CHD1L: variants seen among roughly 807,000 people sequenced by gnomAD.
CHD1L encodes chromodomain helicase DNA binding protein 1 like, also known as ATP-dependent chromatin remodeler CHD1L.
Under a neutral mutation model 115.9 loss-of-function variants are expected in CHD1L, and 118 were observed. The ratio of observed to expected loss-of-function variants is 1.02; its 90% CI spans 0.88 to 1.19. The LOEUF (loss-of-function observed/expected upper bound fraction) is 1.19. Ranked by LOEUF, CHD1L falls within the 50% of genes most tolerant of loss-of-function variation. CHD1L has a pLI of 0.00. For missense variants in CHD1L, 1,179 were observed against 1,065.3 expected (o/e 1.11, Z -1.49); for synonymous variants, 411 against 387.1 (o/e 1.06, Z -0.72).
At chr1:147,189,080 C>T in the CHD1L span, among the ~76,000 whole-genome samples, 1 of 151,986 alleles carries the variant, frequency 6.6e-6, no homozygotes, top group Admixed American at 6.6e-5. Flanking sequence ...TTGAGACCAG[C>T]CTGGCCAACA....
chr1:147,192,094 C>A, the CHD1L span, among the ~76,000 whole-genome samples: 1 of 152,222 alleles, frequency 6.6e-6, no homozygotes, highest in East Asian at 1.9e-4. Context: ...CTATAAATTA[C>A]CTTGGGCAGT....
At chr1:147,264,212 T>C (rs1673028291) in intron 6 of CHD1L, among the ~76,000 whole-genome samples, 1 of 152,216 alleles carries the variant, frequency 6.6e-6, no homozygotes, top group Admixed American at 6.5e-5. Context: ...AGGATTATTG[T>C]CCCCTTCTTA....
Position 147,291,353 on chromosome 1 carries a change from G to C in CHD1L, c.2321-129G>C, listed in dbSNP as rs1276360197. 5.5e-6 allele frequency: 4 copies of C among 727,844 alleles called. No homozygotes were observed. The African/African-American group carries it at 7.0e-5, about 13-fold the overall frequency. 45.1% of individuals were successfully genotyped at this position (727,844 alleles called of 1,614,324 possible). On this transcript the variant is annotated intron_variant, in intron 19 of 22. Transcript: ENST00000369258. ...TAAGAGGTTGACTGAGGCCAGGAAA[G>C]TGAGAAAGGGCTGTGTAGGAAGGTG...
chr1:147,242,996 G>C, intron 1 of CHD1L, 166 bp downstream of exon 1: 1 of 847,966 alleles, frequency 1.2e-6, no homozygotes, highest in East Asian at 3.4e-5. Flanking sequence ...GCCCGGGCTT[G>C]GTGGCCACGG....
intron 19 of CHD1L, among the ~76,000 whole-genome samples, chr1:147,290,600 A>G (rs1553969540): frequency 6.6e-6 from 1 of 152,074 alleles, no homozygotes; most frequent in Non-Finnish European, 1.5e-5. Flanking sequence ...TTGTTATCAG[A>G]CGTTTATGCA....
chr1:147,193,863 T>G, the CHD1L span, among the ~76,000 whole-genome samples: 4 of 152,176 alleles, frequency 2.6e-5, no homozygotes, highest in Non-Finnish European at 5.9e-5. Context: ...TGCACTGTGG[T>G]CTGAGAGACA....
the CHD1L span, chr1:147,215,707 A>T: frequency 7.2e-7 from 1 of 1,379,538 alleles, no homozygotes; most frequent in Non-Finnish European, 1.0e-6. Context: ...TTATTCATTT[A>T]CTTGGCAAAC....
the CHD1L span, among the ~76,000 whole-genome samples, chr1:147,231,987 T>C: frequency 1.3e-5 from 2 of 152,118 alleles, no homozygotes; most frequent in African/African-American, 2.4e-5. Context: ...AGTACCTCAG[T>C]TGGAAATGCA....
At chr1:147,190,034 G>T in the CHD1L span, 2 of 559,488 alleles carry the variant, frequency 3.6e-6, no homozygotes, top group Non-Finnish European at 6.1e-6. Context: ...CCATTCTATT[G>T]TCACAAATTA....
chr1:147,267,557 A>G, intron 9 of CHD1L, 39 bp downstream of exon 9: 1 of 1,517,468 alleles, frequency 6.6e-7, no homozygotes, highest in African/African-American at 1.4e-5. Flanking sequence ...ATTCTTTGGT[A>G]ATGTTTCTGT....
chr1:147,248,688 G>GT (rs1418058982), intron 1 of CHD1L, among the ~76,000 whole-genome samples: 1 of 152,004 alleles, frequency 6.6e-6, no homozygotes, highest in African/African-American at 2.4e-5. Context: ...TATTTACAGT[G>GT]TTTTTTAGTT....
intron 21 of CHD1L, 94 bp downstream of exon 21, chr1:147,293,816 C>A (rs1247305008): frequency 9.9e-7 from 1 of 1,009,868 alleles, no homozygotes; most frequent in Non-Finnish European, 1.5e-6. Context: ...CAAGATCCCA[C>A]TTAATATGCA....
chr1:147,185,153 G>A, the CHD1L span, among the ~76,000 whole-genome samples: 1 of 148,308 alleles, frequency 6.7e-6, no homozygotes, highest in Non-Finnish European at 1.5e-5. Context: ...GCTTGGTTGA[G>A]CTAAAAAATC....
the CHD1L span, among the ~76,000 whole-genome samples, chr1:147,197,767 T>A: frequency 6.6e-6 from 1 of 152,146 alleles, no homozygotes; most frequent in Non-Finnish European, 1.5e-5. Flanking sequence ...TATAGCAGCA[T>A]GAGAATGGGC....
chr1:147,252,577 T>C (rs1553937107), intron 1 of CHD1L, 46 bp from the exon 2 acceptor site: 5 of 1,434,602 alleles, frequency 3.5e-6, no homozygotes, highest in Non-Finnish European at 4.9e-6. Context: ...CCTCTGCATG[T>C]ACTGAAATGT....
chr1:147,264,957 G>A (rs1300260113), intron 7 of CHD1L, among the ~76,000 whole-genome samples: 1 of 152,200 alleles, frequency 6.6e-6, no homozygotes, highest in Non-Finnish European at 1.5e-5. Context: ...CCAAACTACT[G>A]TTCAGCATAC....
At position 147,264,559 on chromosome 1, in the gene CHD1L, G is replaced by A. The variant is rs1673172204; in HGVS notation, c.714G>A (p.Gln238=). 8 of 1,613,426 alleles carry A rather than the reference G, an allele frequency of 5.0e-6. No homozygotes were observed. In the African/African-American group the frequency reaches 8.0e-5, roughly 16 times the overall value. The change falls in exon 7 of 23, where the codon CAG becomes CAA. Residue 238 remains glutamine (Q), a synonymous_variant. Coordinates refer to ENST00000369258, the MANE Select transcript of CHD1L (RefSeq NM_004284.6). ...TGGGAGATTTTATTCAACGCTACCA[G>A]GATATTGAGAAAGAATCTGAGTCAG... ...EEVGDFIQRY[Q]DIEKESESAS...
At chr1:147,255,765 C>G (rs1161497853) in intron 3 of CHD1L, 48 bp from the exon 4 acceptor site, 1 of 1,330,400 alleles carries the variant, frequency 7.5e-7, no homozygotes, top group East Asian at 2.3e-5. Flanking sequence ...CACATCCTGT[C>G]ACATGGATCT....
the CHD1L span, among the ~76,000 whole-genome samples, chr1:147,194,914 G>A: frequency 6.6e-6 from 1 of 151,908 alleles, no homozygotes; most frequent in Non-Finnish European, 1.5e-5. Flanking sequence ...TGGGTAACCC[G>A]ACCTTTCTCT....
Sources: allele counts gnomAD v4.1 joint callset (sites outside exome capture counted in the v4.1 genomes callset), GRCh38; gene constraint gnomAD v4.1.1; transcripts MANE v1.5; gene names NCBI Gene and HGNC (gene_info 2026-07-23, HGNC 2026-07-21).